CANT1: variants seen among roughly 807,000 people sequenced by gnomAD.
CANT1 encodes soluble calcium-activated nucleotidase 1.
CANT1 carries 26 observed loss-of-function variants against 30.0 expected under a neutral mutation model. The observed-to-expected ratio is 0.87, with a 90% confidence interval of 0.64 to 1.20. The LOEUF (loss-of-function observed/expected upper bound fraction) is 1.20, where lower values mean the gene tolerates loss of function less well. Ranked by LOEUF, CANT1 falls within the 50% of genes most tolerant of loss-of-function variation. The pLI is 0.00. For synonymous variants in CANT1, 246 were observed against 251.8 expected, an observed-to-expected ratio of 0.98 and a Z score of 0.22; for missense variants, 518 against 563.0, an observed-to-expected ratio of 0.92 and a Z score of 0.81.
At position 78,998,367 on chromosome 17, in the gene CANT1, T is replaced by C. The variant is rs2071115635; in HGVS notation, c.-146-404A>G. On this transcript the variant is annotated intron_variant, in intron 1 of 4. Coordinates refer to ENST00000392446, the MANE Select transcript of CANT1 (RefSeq NM_001159773.2). The surrounding 1 kb of genome is among the most constrained non-coding windows in gnomAD (Gnocchi z 4.5). ...TCGTATCTGTTGTTGTTTTTGGCAG[T>C]GTCTGTCCCCTGGCGCCTTTCTATT... The C allele has an allele frequency of 6.6e-6, 1 of 152,332 alleles. No homozygotes were observed. The highest frequency in any genetic ancestry group is 6.5e-5 in the Admixed American group (1 of 15,290). 9.4% of individuals were successfully genotyped at this position (152,332 alleles called of 1,614,324 possible). A position where few individuals can be genotyped will look rare whatever the true frequency, so the allele number is the denominator to read the frequency against.
At chr17:78,994,729 C>G (rs1035296487) in intron 4 of CANT1, among the ~76,000 whole-genome samples, 1 of 152,180 alleles carries the variant, frequency 6.6e-6, no homozygotes, top group African/African-American at 2.4e-5. Context: ...TCGAGACCAT[C>G]CTGGGCAACA....
In CANT1 at chr17:78,993,469, A is replaced by G; in HGVS notation, c.*81T>C. On this transcript the variant is annotated 3_prime_UTR_variant, in exon 5 of 5. Coordinates refer to ENST00000392446, the MANE Select transcript of CANT1 (RefSeq NM_001159773.2). This position sits in a 1 kb window ranked among gnomAD's most constrained non-coding sequence, Gnocchi z 4.5. ...CAACCCAGGCACAGTTCCAAAAAGA[A>G]CAAAACAAAACAAAAGTGCACTCCT... is the stretch of plus-strand genomic sequence containing the variant. 6.3e-7 allele frequency: 1 copy of G among 1,598,972 alleles called. No individual in the cohort carries two copies. Among genetic ancestry groups the G allele is most frequent in the Non-Finnish European group, 8.5e-7 (1 of 1,169,870 alleles).
At position 79,002,316 on chromosome 17, in the gene CANT1, C is replaced by G. The variant is rs2071292121; in HGVS notation, c.-146-4353G>C. Among the ~76,000 whole-genome samples the G allele has an allele frequency of 6.6e-6, 1 of 152,098 alleles. No homozygotes were observed. Among genetic ancestry groups the G allele is most frequent in the Non-Finnish European group, 1.5e-5 (1 of 68,002 alleles). On this transcript the variant is annotated intron_variant, in intron 1 of 4. Transcript: ENST00000392446. This position sits in a 1 kb window ranked among gnomAD's most constrained non-coding sequence, Gnocchi z 4.0. ...TTGGCCTCAGTTTACTTCCCGGAGC[C>G]ATGCTGATGGGGTTAGAGAACTGTG...
At chr17:79,000,448 G>A (rs116087599) in intron 1 of CANT1, among the ~76,000 whole-genome samples, 4,680 of 127,850 alleles carry the variant, frequency 0.037, 90 homozygotes, top group East Asian at 0.11. Context: ...CTGCCTCTCC[G>A]CCCCTGACAC....
rs1282135978 is a variant in CANT1, at chr17:78,996,802, A to G, written c.631+190T>C. 7 of 796,358 alleles carry G rather than the reference A, an allele frequency of 8.8e-6. No homozygotes were observed. Among genetic ancestry groups the G allele is most frequent in the Non-Finnish European group, 1.5e-5 (7 of 455,538 alleles). The allele number at this position is 796,358 out of a possible 1,614,324, so 49.3% of individuals were successfully genotyped here. On this transcript the variant is annotated intron_variant, in intron 3 of 4. Coordinates refer to ENST00000392446, the MANE Select transcript of CANT1 (RefSeq NM_001159773.2). This position sits in a 1 kb window ranked among gnomAD's most constrained non-coding sequence, Gnocchi z 5.1. ...TCCTCCTAGAAACTGCTCAGTGTGAAGTGACAGTAGGCTATGCTCCTGGCT... is the reference window on the plus strand; with the variant it reads ...TCCTCCTAGAAACTGCTCAGTGTGAGGTGACAGTAGGCTATGCTCCTGGCT...
rs373802641 is a variant in CANT1, at chr17:79,002,512, T to C, written c.-146-4549A>G. Among the ~76,000 whole-genome samples the C allele has an allele frequency of 2.6e-5, 4 of 152,240 alleles. No individual in the cohort carries two copies. The South Asian group carries it at 6.2e-4, about 24-fold the overall frequency. On this transcript the variant is annotated intron_variant, in intron 1 of 4. Coordinates refer to ENST00000392446, the MANE Select transcript of CANT1 (RefSeq NM_001159773.2). This position sits in a 1 kb window ranked among gnomAD's most constrained non-coding sequence, Gnocchi z 4.0. The stretch of plus-strand genomic sequence containing the variant: ...AGCTTGGTGTGTAGACTCTGCCTGG[T>C]GTGTAGACGCGGCCTGCGTAGACGC...
At chr17:78,994,122 G>A (rs9904301) in intron 4 of CANT1, among the ~76,000 whole-genome samples, 1 of 151,866 alleles carries the variant, frequency 6.6e-6, no homozygotes, top group East Asian at 1.9e-4. Context: ...TGCAGCACCC[G>A]CTCCCTTGAA....
At chr17:79,006,059 C>T (rs995835212) in intron 1 of CANT1, 1 of 152,286 alleles carries the variant, frequency 6.6e-6, no homozygotes, top group East Asian at 1.9e-4. Context: ...CCTCCACAGA[C>T]AGCACGCTCC....
chr17:79,007,859 G>T (rs1599257068), intron 1 of CANT1, among the ~76,000 whole-genome samples: 1 of 152,364 alleles, frequency 6.6e-6, no homozygotes, highest in Non-Finnish European at 1.5e-5. Context: ...GAAGCGTCAA[G>T]CCTCAGATGT....
intron 1 of CANT1, among the ~76,000 whole-genome samples, chr17:79,000,804 C>T (rs969442786): frequency 3.9e-5 from 6 of 152,356 alleles, no homozygotes; most frequent in East Asian, 3.9e-4. Flanking sequence ...CTTGCCCACT[C>T]GCCCTCCCTC....
intron 1 of CANT1, among the ~76,000 whole-genome samples, chr17:79,001,709 G>A (rs2071269071): frequency 6.6e-6 from 1 of 151,930 alleles, no homozygotes; most frequent in Non-Finnish European, 1.5e-5. Flanking sequence ...GTCCCTCCTC[G>A]AGGCAGGGGG....
intron 1 of CANT1, among the ~76,000 whole-genome samples, chr17:79,007,682 C>T (rs183076896): frequency 4.4e-4 from 67 of 152,314 alleles, no homozygotes; most frequent in Middle Eastern, 6.8e-3. Flanking sequence ...GGTCTCCTCA[C>T]GTACTCTGCA....
intron 1 of CANT1, among the ~76,000 whole-genome samples, chr17:79,003,679 G>A (rs1035209362): frequency 8.5e-5 from 13 of 152,054 alleles, no homozygotes; most frequent in African/African-American, 2.9e-4. Context: ...TCAGCAACAA[G>A]AGGACTCAGG....
Position 78,997,627 on chromosome 17 carries a change from G to A in CANT1, c.-5C>T, listed in dbSNP as rs373474385. ...CTCAGACAGCTGCACGGGCATCAGC[G>A]TGACAGACAGGCGGGACCTGCACAG... On this transcript the variant is annotated 5_prime_UTR_variant, in exon 3 of 5. The change creates a new upstream start codon in the 5' untranslated region. Coordinates refer to ENST00000392446, the MANE Select transcript of CANT1 (RefSeq NM_001159773.2). This position sits in a 1 kb window ranked among gnomAD's most constrained non-coding sequence, Gnocchi z 7.5. 6.4e-5 allele frequency: 101 copies of A among 1,566,904 alleles called. No individual in the cohort carries two copies. Among genetic ancestry groups the A allele is most frequent in the Admixed American group, 1.9e-5 (1 of 53,284 alleles).
rs573625564 is a variant in CANT1, at chr17:78,997,909, G to A, written c.-92C>T. On this transcript the variant is annotated 5_prime_UTR_variant, in exon 2 of 5. It adds an upstream start codon to the 5' untranslated region. Transcript: ENST00000392446. The surrounding 1 kb of genome is among the most constrained non-coding windows in gnomAD (Gnocchi z 7.5). The stretch of plus-strand genomic sequence containing the variant: ...CATCTCCCCTGTCCCAGCTGGCAAC[G>A]TGGGAAGCTGAGTGAGGAAGGAAGT... The A allele has an allele frequency of 4.6e-5, 18 of 388,298 alleles. No homozygotes were observed. In the East Asian group the frequency reaches 5.1e-4, roughly 11 times the overall value. 24.1% of individuals were successfully genotyped at this position (388,298 alleles called of 1,614,324 possible).
chr17:78,993,392 C>G lies in CANT1; in HGVS notation c.*158G>C. On this transcript the variant is annotated 3_prime_UTR_variant, in exon 5 of 5. Coordinates refer to ENST00000392446, the MANE Select transcript of CANT1 (RefSeq NM_001159773.2). This position sits in a 1 kb window ranked among gnomAD's most constrained non-coding sequence, Gnocchi z 4.5. ...CGCGGCCTCCGTGGGGCCCGGGGGT[C>G]CAGTGCCCGCACCACTATGGGGCCC... 1 of 1,056,908 alleles carries G rather than the reference C, an allele frequency of 9.5e-7. No individual in the cohort carries two copies. Among genetic ancestry groups the G allele is most frequent in the Non-Finnish European group, 1.4e-6 (1 of 720,712 alleles). The allele number at this position is 1,056,908 out of a possible 1,614,324, so 65.5% of individuals were successfully genotyped here.
intron 1 of CANT1, chr17:79,005,872 C>T (rs1447418503): frequency 6.6e-6 from 1 of 152,200 alleles, no homozygotes; most frequent in African/African-American, 2.4e-5. Flanking sequence ...CTCAAAGAAA[C>T]ACTTATTAAT....
At chr17:79,005,792 C>A (rs983415641) in intron 1 of CANT1, among the ~76,000 whole-genome samples, 1 of 152,146 alleles carries the variant, frequency 6.6e-6, no homozygotes, top group East Asian at 1.9e-4. Flanking sequence ...CTCTTCAGCA[C>A]AGCCAAGGCA....
intron 1 of CANT1, chr17:79,005,568 A>T (rs527913019): frequency 6.6e-6 from 1 of 152,330 alleles, no homozygotes; most frequent in East Asian, 1.9e-4. Context: ...CAGGCAGGGC[A>T]GGAAGCCACA....
Sources: gnomAD v4.1 joint callset for allele counts (sites outside exome capture counted in the v4.1 genomes callset) on GRCh38, gnomAD v4.1.1 for gene constraint, Gnocchi (gnomAD v3.1) non-coding constraint, MANE v1.5 for transcripts, NCBI Gene and HGNC (gene_info 2026-07-23, HGNC 2026-07-21) for gene names.